SP140: variants seen among roughly 807,000 people sequenced by gnomAD.
SP140 encodes SP140 nuclear body protein.
Under a neutral mutation model 125.0 loss-of-function variants are expected in SP140, and 81 were observed. The observed-to-expected ratio is 0.65, with a 90% CI of 0.54 to 0.78. The LOEUF (loss-of-function observed/expected upper bound fraction) is 0.78, where lower values mean the gene tolerates loss of function less well. Among genes scored for constraint, SP140 ranks in the 30% least tolerant of loss-of-function variants. SP140 has a pLI of 0.00. For missense variants in SP140, 858 were observed against 1,037.0 expected, an observed-to-expected ratio of 0.83 and a Z score of 2.37; for synonymous variants, 312 against 354.0, an observed-to-expected ratio of 0.88 and a Z score of 1.33.
At chr2:230,219,638 C>T (rs903466236) in intron 3 of SP140, 1 of 152,206 alleles carries the variant, frequency 6.6e-6, no homozygotes, top group South Asian at 2.1e-4. Flanking sequence ...GGGTAGAGGG[C>T]AAATCTCGGC....
the SP140 span, chr2:230,186,202 T>C: frequency 6.4e-7 from 1 of 1,551,114 alleles, no homozygotes; most frequent in Non-Finnish European, 8.9e-7. Flanking sequence ...TCCCAGCCCC[T>C]ACCCTTTCAG....
At chr2:230,193,785 G>A in the SP140 span, among the ~76,000 whole-genome samples, 1 of 152,176 alleles carries the variant, frequency 6.6e-6, no homozygotes, top group Non-Finnish European at 1.5e-5. Flanking sequence ...TAGGTTTCAG[G>A]GGGAGGGCAG....
upstream of SP140, among the ~76,000 whole-genome samples, chr2:230,224,515 CAGAG>C (rs879416639): frequency 1.9e-4 from 26 of 139,890 alleles, no homozygotes; most frequent in Admixed American, 2.8e-4. Context: ...AGAGAGAGGA[CAGAG>C]AGAGAGAGAG....
chr2:230,280,545 G>A (rs1387794375), intron 15 of SP140, among the ~76,000 whole-genome samples: 1 of 151,926 alleles, frequency 6.6e-6, no homozygotes, highest in African/African-American at 2.4e-5. Context: ...TTCTCTATTT[G>A]TATCTTTCGT....
chr2:230,247,673 A>G (rs774363374), intron 7 of SP140, among the ~76,000 whole-genome samples: 1 of 151,960 alleles, frequency 6.6e-6, no homozygotes, highest in South Asian at 2.1e-4. Flanking sequence ...GATTAAATCT[A>G]TTTTTTCCCC....
chr2:230,277,348 G>A (rs1379688515), intron 15 of SP140, among the ~76,000 whole-genome samples: 1 of 152,098 alleles, frequency 6.6e-6, no homozygotes, highest in Non-Finnish European at 1.5e-5. Context: ...GTGATCATGA[G>A]CATTACATTT....
At chr2:230,225,728 T>C (rs2149002423), upstream of SP140, 5 of 853,490 alleles carry the variant, frequency 5.9e-6, no homozygotes, top group East Asian at 1.2e-4. Flanking sequence ...TTAGGCAATT[T>C]CACTTTTCTT....
Position 230,255,505 on chromosome 2 carries a change from T to TG in SP140, c.1213_1214insG (p.Ser405CysfsTer2). Reference sequence around the variant, plus strand: ...TGATGGAGAAGAGCGCCAGGAAGCCTCTAGCTCCCTAGCAAGACGTGGGTC... The same window carrying TG: ...TGATGGAGAAGAGCGCCAGGAAGCCTGCTAGCTCCCTAGCAAGACGTGGGTC... On this transcript the variant is annotated frameshift_variant, in exon 12 of 27. Coordinates refer to ENST00000392045, the MANE Select transcript of SP140 (RefSeq NM_007237.5). LOFTEE classifies it high-confidence loss of function. The TG allele has an allele frequency of 6.2e-7, 1 of 1,610,322 alleles. No homozygotes were observed.
At chr2:230,190,858 G>T in the SP140 span, among the ~76,000 whole-genome samples, 58 of 152,346 alleles carry the variant, frequency 3.8e-4, no homozygotes, top group Admixed American at 8.5e-4. Context: ...TTGAAGAACA[G>T]ATGGTTGTAG....
chr2:230,249,833 C>A (rs1213979832), intron 9 of SP140, among the ~76,000 whole-genome samples: 1 of 152,144 alleles, frequency 6.6e-6, no homozygotes, highest in African/African-American at 2.4e-5. Flanking sequence ...GCAAAGGGCA[C>A]CTCTATCAAT....
chr2:230,243,620 G>A (rs1341008103), intron 4 of SP140, 111 bp from the exon 5 acceptor site: 6 of 808,596 alleles, frequency 7.4e-6, no homozygotes, highest in African/African-American at 6.8e-5. Context: ...TGGGGAGAGG[G>A]GACCTTCCAG....
chr2:230,249,391 A>G (rs1387852560), intron 9 of SP140, among the ~76,000 whole-genome samples: 6 of 152,184 alleles, frequency 3.9e-5, no homozygotes, highest in Non-Finnish European at 7.4e-5. Context: ...AACTGAGGAA[A>G]GTCATGCAGG....
At chr2:230,186,441 TCCA>T in the SP140 span, among the ~76,000 whole-genome samples, 1 of 152,176 alleles carries the variant, frequency 6.6e-6, no homozygotes, top group Non-Finnish European at 1.5e-5. Context: ...CACCTTACAC[TCCA>T]CTGCTGAATG....
chr2:230,288,482 TTTCTTTC>T (rs1367004645), intron 18 of SP140, among the ~76,000 whole-genome samples: 1 of 113,282 alleles, frequency 8.8e-6, no homozygotes, highest in East Asian at 2.3e-4. Flanking sequence ...TCTTTCTTTC[TTTCTTTC>T]TTTCTTTCTT....
At chr2:230,190,110 A>G in the SP140 span, among the ~76,000 whole-genome samples, 10 of 152,208 alleles carry the variant, frequency 6.6e-5, no homozygotes, top group Non-Finnish European at 1.2e-4. Context: ...CTGGTTCTAC[A>G]TCCTTGAGGA....
At chr2:230,288,685 G>T (rs1486349912) in intron 18 of SP140, among the ~76,000 whole-genome samples, 1 of 151,924 alleles carries the variant, frequency 6.6e-6, no homozygotes, top group Non-Finnish European at 1.5e-5. Flanking sequence ...TGTCCTTATT[G>T]TTCGACTTCC....
intron 22 of SP140, among the ~76,000 whole-genome samples, chr2:230,307,050 A>G (rs899337448): frequency 1.3e-5 from 2 of 152,240 alleles, no homozygotes; most frequent in African/African-American, 4.8e-5. Flanking sequence ...CTCTGGACTC[A>G]GTCAGACTTG....
At chr2:230,198,206 T>G (rs1485603910), upstream of SP140, among the ~76,000 whole-genome samples, 4 of 152,130 alleles carry the variant, frequency 2.6e-5, no homozygotes, top group Non-Finnish European at 5.9e-5. Flanking sequence ...GCCTCCCTCT[T>G]CCACACACTT....
intron 8 of SP140, among the ~76,000 whole-genome samples, chr2:230,248,657 A>G (rs1157582237): frequency 1.3e-5 from 2 of 152,224 alleles, no homozygotes; most frequent in Non-Finnish European, 2.9e-5. Flanking sequence ...AGAGAAGATC[A>G]GACAATCCAA....
Sources: allele counts gnomAD v4.1 joint callset (sites outside exome capture counted in the v4.1 genomes callset), GRCh38; gene constraint gnomAD v4.1.1; transcripts MANE v1.5; gene names NCBI Gene and HGNC (gene_info 2026-07-23, HGNC 2026-07-21).